Variants in SEC11A observed in about 807,000 individuals in gnomAD.
SEC11A encodes SEC11 homolog A, signal peptidase complex subunit.
Under a neutral mutation model 25.6 loss-of-function variants are expected in SEC11A, and 14 were observed. That is an observed-to-expected ratio of 0.55 (90% CI 0.36 to 0.85). The LOEUF (loss-of-function observed/expected upper bound fraction) is 0.85. Among genes scored for constraint, SEC11A ranks in the 40% least tolerant of loss-of-function variants. SEC11A has a pLI of 0.01. For missense variants in SEC11A, 153 were observed against 222.9 expected (o/e 0.69, Z 2.00); for synonymous variants, 83 against 76.4 (o/e 1.09, Z -0.45).
chr15:84,690,417 C>T (rs1170999591), intron 2 of SEC11A, among the ~76,000 whole-genome samples: 1 of 152,004 alleles, frequency 6.6e-6, no homozygotes, highest in Non-Finnish European at 1.5e-5. Flanking sequence ...ACGTCTTTAT[C>T]AGCAGCATGA....
At chr15:84,708,891 T>C (rs982028797) in intron 1 of SEC11A, among the ~76,000 whole-genome samples, 2 of 152,020 alleles carry the variant, frequency 1.3e-5, no homozygotes, top group South Asian at 4.1e-4. Flanking sequence ...TAGGAAGATA[T>C]AAAAAGAATG....
intron 1 of SEC11A, among the ~76,000 whole-genome samples, chr15:84,698,959 A>C (rs1163396937): frequency 1.3e-5 from 2 of 152,220 alleles, no homozygotes; most frequent in African/African-American, 4.8e-5. Flanking sequence ...ACAAAATGGA[A>C]TACTACTCAG....
rs764459304 is a variant in SEC11A at position 84,669,950 on chromosome 15, C to T, written c.*69G>A. On this transcript the variant is annotated 3_prime_UTR_variant, in exon 6 of 6. Transcript: ENST00000268220. ...TGTTCTCCATTCCACCAATCACAGACCAGTATCTACTCCAAACATCCAGTA... is the reference window on the plus strand; with the variant it reads ...TGTTCTCCATTCCACCAATCACAGATCAGTATCTACTCCAAACATCCAGTA... The T allele has an allele frequency of 2.5e-6, 4 of 1,609,366 alleles. No individual in the cohort carries two copies. Among genetic ancestry groups the T allele is most frequent in the South Asian group, 2.2e-5 (2 of 89,714 alleles).
At chr15:84,694,950 C>T (rs1438570767) in intron 1 of SEC11A, among the ~76,000 whole-genome samples, 3 of 151,626 alleles carry the variant, frequency 2.0e-5, no homozygotes, top group African/African-American at 7.3e-5. Flanking sequence ...ATTAGCCAGG[C>T]GCAGTGGCGT....
intron 4 of SEC11A, among the ~76,000 whole-genome samples, chr15:84,674,421 T>A (rs977729582): frequency 5.9e-5 from 9 of 152,116 alleles, no homozygotes; most frequent in Admixed American, 1.3e-4. Context: ...CTAATTCTGA[T>A]CTGATGATCA....
chr15:84,699,098 T>G (rs1209881457), intron 1 of SEC11A, among the ~76,000 whole-genome samples: 4 of 152,078 alleles, frequency 2.6e-5, no homozygotes. Flanking sequence ...GCAGATCACT[T>G]GAGGCCAGGA....
intron 4 of SEC11A, among the ~76,000 whole-genome samples, chr15:84,675,670 G>A (rs1044778333): frequency 6.6e-6 from 1 of 152,030 alleles, no homozygotes; most frequent in Non-Finnish European, 1.5e-5. Context: ...CAACATTTCT[G>A]TTCCCCGATC....
At chr15:84,680,962 T>G (rs1897270305) in intron 3 of SEC11A, 130 bp from the exon 4 acceptor site, 4 of 700,330 alleles carry the variant, frequency 5.7e-6, no homozygotes, top group African/African-American at 1.8e-5. Flanking sequence ...TCGAAATAAT[T>G]ATTTATGGAG....
chr15:84,683,197 A>G (rs910875979), intron 3 of SEC11A, among the ~76,000 whole-genome samples: 2 of 152,228 alleles, frequency 1.3e-5, no homozygotes, highest in African/African-American at 4.8e-5. Context: ...GGCTCACTGC[A>G]AGAGTGAAAG....
rs1897264759 is a variant in SEC11A, at chr15:84,680,713, C to A, written c.431G>T (p.Gly144Val). The A allele has an allele frequency of 6.2e-7, 1 of 1,609,580 alleles. No individual in the cohort carries two copies. Among genetic ancestry groups the A allele is most frequent in the Non-Finnish European group, 8.5e-7 (1 of 1,177,452 alleles). ...TTGAGATGCTCCCCTCTATACTTACCCCCTGGCTCTCCCCACAACATCTTT... is the reference window on the plus strand; with the variant it reads ...TTGAGATGCTCCCCTCTATACTTACACCCTGGCTCTCCCCACAACATCTTT... ...EKKDVVGRARGFVPYIGIVTI... is the reference protein window; with the variant it reads ...EKKDVVGRARVFVPYIGIVTI... Residue 144 changes from glycine to valine, a missense_variant and splice_region_variant, in exon 4 of 6, where the codon GGA becomes GTA. Gly to Val is a moderately radical substitution (Grantham distance 109). Transcript: ENST00000268220.
chr15:84,713,449 T>C (rs917456638), intron 1 of SEC11A, among the ~76,000 whole-genome samples: 1 of 152,210 alleles, frequency 6.6e-6, no homozygotes, highest in Non-Finnish European at 1.5e-5. Flanking sequence ...TTGTCAATTC[T>C]TCCTCCTAGA....
At chr15:84,712,750 A>C (rs910813100) in intron 1 of SEC11A, among the ~76,000 whole-genome samples, 1 of 151,992 alleles carries the variant, frequency 6.6e-6, no homozygotes, top group Non-Finnish European at 1.5e-5. Flanking sequence ...CCAGCCTAAA[A>C]ACTGATTAAA....
In SEC11A at chr15:84,716,009, G is replaced by A. The variant is rs908803494; in HGVS notation, c.51+16C>T. 2 of 1,612,766 alleles carry A rather than the reference G, an allele frequency of 1.2e-6. No homozygotes were observed. The highest frequency in any genetic ancestry group is 1.7e-6 in the Non-Finnish European group (2 of 1,179,170). On this transcript the variant is annotated intron_variant, in intron 1 of 5. Transcript: ENST00000268220. ...GACAAGAAGAGCCAGGAGAAAAAGAGGACGGACAAGCTCACCTGCCGCTTG... is the reference window on the plus strand; with the variant it reads ...GACAAGAAGAGCCAGGAGAAAAAGAAGACGGACAAGCTCACCTGCCGCTTG...
rs773882469 is a variant in SEC11A, at chr15:84,670,798, A to C, written c.432-16T>G. 7.6e-7 allele frequency: 1 copy of C among 1,314,336 alleles called. No homozygotes were observed. Among genetic ancestry groups the C allele is most frequent in the Non-Finnish European group, 1.1e-6 (1 of 949,650 alleles). 81.4% of individuals were successfully genotyped at this position (1,314,336 alleles called of 1,614,324 possible). On this transcript the variant is annotated splice_polypyrimidine_tract_variant and intron_variant, in intron 4 of 5. Transcript: ENST00000268220. Reference sequence around the variant, plus strand: ...AGGAACAAATCTAAAACAAACAAAAAACTGATTATCACAGAATTTCCGATG... The same window carrying C: ...AGGAACAAATCTAAAACAAACAAAACACTGATTATCACAGAATTTCCGATG...
At chr15:84,692,564 C>T (rs1243615927) in intron 1 of SEC11A, among the ~76,000 whole-genome samples, 6 of 152,110 alleles carry the variant, frequency 3.9e-5, no homozygotes, top group Admixed American at 3.9e-4. Flanking sequence ...GATAAAACAC[C>T]AGACGGCATT....
Position 84,714,497 on chromosome 15 carries a change from C to T in SEC11A, c.51+1528G>A, listed in dbSNP as rs995231477. Among the ~76,000 whole-genome samples the T allele has an allele frequency of 5.9e-5, 9 of 152,168 alleles. 1 individual carries two copies. The highest frequency in any genetic ancestry group is 3.9e-4 in the Admixed American group (6 of 15,280). On this transcript the variant is annotated intron_variant, in intron 1 of 5. Transcript: ENST00000268220. Reference sequence around the variant, plus strand: ...GCAACTAATGTCAGTGAAGTATACACGTAAAAACGGTTGAAATGGAATATT... The same window carrying T: ...GCAACTAATGTCAGTGAAGTATACATGTAAAAACGGTTGAAATGGAATATT...
intron 1 of SEC11A, among the ~76,000 whole-genome samples, chr15:84,713,519 C>A (rs1898354300): frequency 6.6e-6 from 1 of 152,132 alleles, no homozygotes; most frequent in Non-Finnish European, 1.5e-5. Flanking sequence ...TTATCCAATC[C>A]CTCCTATCCA....
At chr15:84,687,954 C>T (rs143204527) in intron 2 of SEC11A, among the ~76,000 whole-genome samples, 180 bp from the exon 3 acceptor site, 12 of 152,234 alleles carry the variant, frequency 7.9e-5, no homozygotes, top group African/African-American at 2.2e-4. Context: ...TAAAAAGTTA[C>T]GCCAAAGGAT....
intron 1 of SEC11A, among the ~76,000 whole-genome samples, chr15:84,708,037 G>A (rs1296479023): frequency 5.3e-5 from 8 of 151,440 alleles, no homozygotes; most frequent in East Asian, 1.9e-4. Context: ...GTGAAACCCC[G>A]TCTTTACTAA....
Sources: gnomAD v4.1 joint callset for allele counts (sites outside exome capture counted in the v4.1 genomes callset) on GRCh38, gnomAD v4.1.1 for gene constraint, MANE v1.5 for transcripts, NCBI Gene and HGNC (gene_info 2026-07-23, HGNC 2026-07-21) for gene names.